Variants in RAD52 observed in about 807,000 individuals in gnomAD.
The protein encoded by RAD52 is DNA repair protein RAD52 homolog.
Under a neutral mutation model 55.5 loss-of-function variants are expected in RAD52, and 47 were observed. The observed-to-expected ratio is 0.85, with a 90% CI of 0.67 to 1.08. The LOEUF (loss-of-function observed/expected upper bound fraction) is 1.08, where lower values mean the gene tolerates loss of function less well. RAD52 is among the 50% of genes least tolerant of loss of function. The pLI is 0.00. For missense variants in RAD52, 468 were observed against 522.8 expected, an observed-to-expected ratio of 0.90 and a Z score of 1.02; for synonymous variants, 184 against 198.9, an observed-to-expected ratio of 0.92 and a Z score of 0.63.
chr12:966,552 TTC>T lies in RAD52; in HGVS notation c.-19+23255_-19+23256del, dbSNP rs569264960. On this transcript the variant is annotated intron_variant, in intron 1 of 11. Transcript: ENST00000430095. ...TTACTCCATTCTAATGCTCATGGTT[TTC>T]TGTTTGTTTTCGCCTTCTATTGGCT... is the stretch of plus-strand genomic sequence containing the variant. Among the ~76,000 whole-genome samples the T allele has an allele frequency of 2.3e-3, 348 of 152,206 alleles. 6 individuals are homozygous for T. Among genetic ancestry groups the T allele is most frequent in the Admixed American group, 6.3e-3 (97 of 15,296 alleles).
chr12:955,946 A>ACT (rs1017948863), intron 1 of RAD52, among the ~76,000 whole-genome samples: 1 of 62,244 alleles, frequency 1.6e-5, no homozygotes, highest in African/African-American at 4.5e-5. Flanking sequence ...ATGCCCGGCT[A>ACT]ATTTTTGCAT....
intron 5 of RAD52, among the ~76,000 whole-genome samples, chr12:928,510 T>G (rs1214787730): frequency 6.8e-6 from 1 of 146,040 alleles, no homozygotes; most frequent in Admixed American, 6.9e-5. Flanking sequence ...AGAGCAAAAC[T>G]CCATCTCAAA....
intron 1 of RAD52, among the ~76,000 whole-genome samples, chr12:948,953 C>A (rs1320251441): frequency 6.6e-6 from 1 of 152,218 alleles, no homozygotes; most frequent in Non-Finnish European, 1.5e-5. Flanking sequence ...CCCGCATCGG[C>A]CTTCCAAAGT....
intron 6 of RAD52, chr12:926,724 A>C: frequency 7.2e-7 from 1 of 1,396,016 alleles, no homozygotes; most frequent in East Asian, 2.5e-5. Flanking sequence ...AGCCTCTGGT[A>C]TTCCTGTATA....
chr12:937,381 C>T (rs1366193355), intron 1 of RAD52, among the ~76,000 whole-genome samples: 2 of 151,970 alleles, frequency 1.3e-5, no homozygotes, highest in Non-Finnish European at 2.9e-5. Flanking sequence ...TCTAGGGTAC[C>T]CAGGTATAGC....
At chr12:922,652 AT>A (rs1276060512) in intron 7 of RAD52, among the ~76,000 whole-genome samples, 6 of 152,264 alleles carry the variant, frequency 3.9e-5, no homozygotes, top group Admixed American at 6.5e-5. Flanking sequence ...ATGTGATTCC[AT>A]TTATATGAGG....
In RAD52 at chr12:931,262, G is replaced by A; in HGVS notation, c.144C>T (p.Gly48=). Residue 48 remains glycine (G), a synonymous_variant, in exon 3 of 12, where the codon GGC becomes GGT. Coordinates refer to ENST00000358495, the MANE Select transcript of RAD52 (RefSeq NM_134424.4). ...CCATGCGGCTACTTATGTATTCTGG[G>A]CCCAGCCTCTGCCTCAGGGCCTTCT... is the stretch of plus-strand genomic sequence containing the variant. The part of the protein sequence containing the change: ...AIQKALRQRL[G]PEYISSRMAG... 6.2e-7 allele frequency: 1 copy of A among 1,612,612 alleles called. No individual in the cohort carries two copies. Among genetic ancestry groups the A allele is most frequent in the Non-Finnish European group, 8.5e-7 (1 of 1,179,574 alleles).
chr12:926,343 AT>A (rs1414700548), intron 6 of RAD52, among the ~76,000 whole-genome samples: 19 of 59,934 alleles, frequency 3.2e-4, no homozygotes, highest in Non-Finnish European at 4.8e-4. Flanking sequence ...AAAAAAAAAA[AT>A]TTTTTTTTAA....
At chr12:977,726 A>G (rs1200162040) in intron 1 of RAD52, among the ~76,000 whole-genome samples, 1 of 152,198 alleles carries the variant, frequency 6.6e-6, no homozygotes, top group African/African-American at 2.4e-5. Flanking sequence ...ACCACTGAAC[A>G]CTGCTTTGGG....
chr12:925,364 T>A, intron 7 of RAD52, 86 bp downstream of exon 7: 1 of 1,171,872 alleles, frequency 8.5e-7, no homozygotes, highest in African/African-American at 1.5e-5. Context: ...CCTCACTTTT[T>A]CTCCTTGCAT....
intron 5 of RAD52, among the ~76,000 whole-genome samples, chr12:929,372 G>A (rs1473534868): frequency 6.6e-6 from 1 of 151,978 alleles, no homozygotes; most frequent in African/African-American, 2.4e-5. Context: ...ACAGATTTAC[G>A]GTAAGTGCTC....
intron 1 of RAD52, chr12:974,341 A>G (rs1277038192): frequency 6.6e-6 from 1 of 152,208 alleles, no homozygotes; most frequent in Non-Finnish European, 1.5e-5. Context: ...AAACAAGACA[A>G]AAGAACCCAT....
chr12:929,922 C>T (rs2154113891), intron 4 of RAD52, 36 bp from the exon 5 acceptor site: 2 of 1,596,912 alleles, frequency 1.3e-6, no homozygotes, highest in Middle Eastern at 1.7e-4. Flanking sequence ...GAAGAGGACA[C>T]TGACCGCTGG....
upstream of RAD52, among the ~76,000 whole-genome samples, chr12:954,421 C>T (rs1958577870): frequency 6.6e-6 from 1 of 152,150 alleles, no homozygotes; most frequent in African/African-American, 2.4e-5. Context: ...CACTTGAGGT[C>T]AGGAGTTTGA....
At chr12:978,689 G>C (rs1046566075) in intron 1 of RAD52, among the ~76,000 whole-genome samples, 1 of 151,968 alleles carries the variant, frequency 6.6e-6, no homozygotes, top group Admixed American at 6.6e-5. Context: ...TGTAGTCCCA[G>C]CTACTCGGGA....
chr12:930,272 G>A (rs549742555), intron 3 of RAD52, 128 bp from the exon 4 acceptor site: 32 of 769,536 alleles, frequency 4.2e-5, no homozygotes, highest in African/African-American at 3.7e-4. Context: ...CATTCTTCTC[G>A]GGAGGCTGAG....
chr12:965,694 T>C (rs1328627726), intron 1 of RAD52, among the ~76,000 whole-genome samples: 1 of 150,600 alleles, frequency 6.6e-6, no homozygotes, highest in Non-Finnish European at 1.5e-5. Context: ...GTTTGCTTGG[T>C]TTTTTTTTCA....
chr12:914,218 G>A (rs1258452310), intron 10 of RAD52, 97 bp from the exon 11 acceptor site: 1 of 1,318,564 alleles, frequency 7.6e-7, no homozygotes, highest in Non-Finnish European at 1.0e-6. Context: ...CATGTCTTCA[G>A]TACCTTCTGA....
At chr12:988,215 G>C (rs537715618) in intron 1 of RAD52, among the ~76,000 whole-genome samples, 5 of 152,144 alleles carry the variant, frequency 3.3e-5, no homozygotes. Flanking sequence ...AAAGTTCAGT[G>C]ACTTTATCTT....
Sources: allele counts gnomAD v4.1 joint callset (sites outside exome capture counted in the v4.1 genomes callset), GRCh38; gene constraint gnomAD v4.1.1; transcripts MANE v1.5; gene names NCBI Gene and HGNC (gene_info 2026-07-23, HGNC 2026-07-21).